Variants in NRXN3 observed in about 807,000 individuals in gnomAD.
NRXN3 encodes the protein neurexin III.
A neutral mutation model predicts 137.6 loss-of-function variants in NRXN3; 32 were observed. That is an observed-to-expected ratio of 0.23 (90% CI 0.18 to 0.31). The LOEUF (loss-of-function observed/expected upper bound fraction) is 0.31, where lower values mean the gene tolerates loss of function less well. Among genes scored for constraint, NRXN3 ranks in the 10% least tolerant of loss-of-function variants. The pLI is 1.00. For missense variants in NRXN3, 1,574 were observed against 2,062.5 expected (o/e 0.76, Z 4.59); for synonymous variants, 798 against 784.5 (o/e 1.02, Z -0.29).
chr14:79,852,377 C>T (rs1442651047), intron 20 of NRXN3, among the ~76,000 whole-genome samples: 2 of 151,954 alleles, frequency 1.3e-5, no homozygotes, highest in African/African-American at 4.8e-5. Flanking sequence ...TTCCTCCTAC[C>T]CCTAAACTGG....
intron 20 of NRXN3, among the ~76,000 whole-genome samples, chr14:79,826,987 G>A (rs1371505630): frequency 1.3e-5 from 2 of 152,128 alleles, no homozygotes; most frequent in Non-Finnish European, 2.9e-5. Flanking sequence ...TCATTCCTTA[G>A]AGAGCACGGA....
intron 1 of NRXN3, among the ~76,000 whole-genome samples, chr14:78,236,543 A>G (rs148677808): frequency 1.3e-5 from 2 of 152,232 alleles, no homozygotes; most frequent in South Asian, 2.1e-4. Context: ...ATTCTCATGC[A>G]TATTTTCAGT....
At chr14:79,656,613 TCTC>T (rs1454104438) in intron 16 of NRXN3, among the ~76,000 whole-genome samples, 1 of 146,022 alleles carries the variant, frequency 6.8e-6, no homozygotes, top group African/African-American at 2.6e-5. Flanking sequence ...ACTCTCTCTC[TCTC>T]TTTTTTTTTT....
chr14:78,525,681 G>T (rs922676005), intron 4 of NRXN3, among the ~76,000 whole-genome samples: 2 of 152,166 alleles, frequency 1.3e-5, no homozygotes, highest in African/African-American at 4.8e-5. Context: ...CCTGAGATGG[G>T]TGTAACCTTA....
Position 78,394,263 on chromosome 14 carries a change from T to A in NRXN3, c.757+96403T>A, listed in dbSNP as rs78726669. Among the ~76,000 whole-genome samples the A allele has an allele frequency of 9.6e-3, 1,454 of 152,074 alleles. 30 individuals carry two copies. Among genetic ancestry groups the A allele is most frequent in the African/African-American group, 0.034 (1,396 of 41,548 alleles). Reference sequence around the variant, plus strand: ...TTATTAAGATGAAGAAGTTCATCTCTATTTTTATTCTTCTGAGAGTGGGTG... The same window carrying A: ...TTATTAAGATGAAGAAGTTCATCTCAATTTTTATTCTTCTGAGAGTGGGTG... On this transcript the variant is annotated intron_variant, in intron 4 of 20. Coordinates refer to ENST00000335750, the MANE Select transcript of NRXN3 (RefSeq NM_001330195.2).
intron 19 of NRXN3, among the ~76,000 whole-genome samples, chr14:79,804,125 T>C (rs2099193964): frequency 6.6e-6 from 1 of 151,760 alleles, no homozygotes; most frequent in East Asian, 1.9e-4. Context: ...AATTGGAAGA[T>C]CAACAAGTCA....
At chr14:78,559,575 T>C (rs2096768942) in intron 4 of NRXN3, among the ~76,000 whole-genome samples, 1 of 152,244 alleles carries the variant, frequency 6.6e-6, no homozygotes, top group Admixed American at 6.5e-5. Context: ...TTCAGATTGC[T>C]TTCCAGAAGG....
At chr14:79,285,712 G>C (rs947105989) in intron 15 of NRXN3, among the ~76,000 whole-genome samples, 16 of 152,072 alleles carry the variant, frequency 1.1e-4, no homozygotes, top group African/African-American at 3.9e-4. Context: ...CTCCCTAAAA[G>C]CCTCATTTTA....
chr14:79,267,385 G>T, intron 15 of NRXN3, among the ~76,000 whole-genome samples: 1 of 147,850 alleles, frequency 6.8e-6, no homozygotes. Context: ...TTGAGACAGA[G>T]TCTCTCTCTA....
At chr14:79,380,683 T>A (rs921744789) in intron 15 of NRXN3, among the ~76,000 whole-genome samples, 1 of 152,108 alleles carries the variant, frequency 6.6e-6, no homozygotes, top group Non-Finnish European at 1.5e-5. Context: ...TTTATAGCAG[T>A]ATGATTTATA....
rs752464669 is a variant in NRXN3 at position 78,562,396 on chromosome 14, C to CAAA, written c.758-82701_758-82699dup. ...TGGTGACAGAGTGAGACTTATATCTCAAAAAAAAAAAAAAAAAAAAAAAAA... is the reference window on the plus strand; with the variant it reads ...TGGTGACAGAGTGAGACTTATATCTCAAAAAAAAAAAAAAAAAAAAAAAAAAAA... On this transcript the variant is annotated intron_variant, in intron 4 of 20. Coordinates refer to ENST00000335750, the MANE Select transcript of NRXN3 (RefSeq NM_001330195.2). 2.0e-3 allele frequency among the ~76,000 whole-genome samples: 98 copies of CAAA among 49,422 alleles called. No homozygotes were observed. The East Asian group carries it at 0.024, about 12-fold the overall frequency. 32.4% of individuals were successfully genotyped at this position (49,422 alleles called of 152,430 possible).
intron 8 of NRXN3, among the ~76,000 whole-genome samples, chr14:78,724,547 A>C (rs1351663362): frequency 2.0e-5 from 3 of 152,130 alleles, no homozygotes; most frequent in Non-Finnish European, 4.4e-5. Flanking sequence ...TCAATAGAAT[A>C]GAATAGAATG....
At chr14:78,668,809 T>C (rs1178576318) in intron 6 of NRXN3, among the ~76,000 whole-genome samples, 1 of 152,210 alleles carries the variant, frequency 6.6e-6, no homozygotes. Flanking sequence ...TAAAACTTTA[T>C]TTAGAAGAGC....
In NRXN3 at chr14:79,525,113, G is replaced by A. The variant is rs117486670; in HGVS notation, c.3444+57711G>A. On this transcript the variant is annotated intron_variant, in intron 16 of 20. Coordinates refer to ENST00000335750, the MANE Select transcript of NRXN3 (RefSeq NM_001330195.2). ...ATTTTTAGGTCTTATGACTAGCTTT[G>A]AGGAAGAGGGATCCTAGTTTCTATG... is the stretch of plus-strand genomic sequence containing the variant. Among the ~76,000 whole-genome samples the A allele has an allele frequency of 5.4e-3, 818 of 152,268 alleles. 5 individuals are homozygous for A. The highest frequency in any genetic ancestry group is 9.5e-3 in the Non-Finnish European group (645 of 68,022).
At chr14:78,400,434 C>G (rs142258903) in intron 4 of NRXN3, among the ~76,000 whole-genome samples, 195 of 152,286 alleles carry the variant, frequency 1.3e-3, no homozygotes, top group African/African-American at 4.2e-3. Flanking sequence ...TTATGGGCAT[C>G]TTTTATAGAA....
At chr14:79,488,282 A>G (rs1316764684) in intron 16 of NRXN3, among the ~76,000 whole-genome samples, 1 of 152,194 alleles carries the variant, frequency 6.6e-6, no homozygotes, top group South Asian at 2.1e-4. Context: ...TCATAGAGCT[A>G]TAGGGTCTTG....
At chr14:78,502,147 G>A (rs572176067) in intron 4 of NRXN3, among the ~76,000 whole-genome samples, 42 of 152,072 alleles carry the variant, frequency 2.8e-4, no homozygotes, top group Non-Finnish European at 5.1e-4. Flanking sequence ...AATATCTGCC[G>A]TGTTGAGAGG....
intron 15 of NRXN3, 183 bp downstream of exon 15, chr14:78,988,324 T>A: frequency 2.8e-6 from 2 of 710,206 alleles, no homozygotes; most frequent in South Asian, 1.7e-5. Context: ...GTGTCTTGCT[T>A]AACAACACTA....
intron 15 of NRXN3, among the ~76,000 whole-genome samples, chr14:79,463,951 G>C (rs1182192790): frequency 6.6e-6 from 1 of 152,088 alleles, no homozygotes; most frequent in East Asian, 1.9e-4. Context: ...TTTTTTATTT[G>C]AATATGTAAA....
Sources: allele counts gnomAD v4.1 joint callset (sites outside exome capture counted in the v4.1 genomes callset), GRCh38; gene constraint gnomAD v4.1.1; transcripts MANE v1.5; gene names NCBI Gene and HGNC (gene_info 2026-07-23, HGNC 2026-07-21).